The following NCKAP5 variants were observed in gnomAD, a reference collection of about 807,000 sequenced individuals.
NCKAP5 encodes the protein NCK associated protein 5.
In NCKAP5, 92 loss-of-function variants were observed where a neutral mutation model predicts 167.0. That is an observed-to-expected ratio of 0.55 (90% CI 0.47 to 0.66). NCKAP5 has a LOEUF of 0.66. NCKAP5 is among the 30% of genes least tolerant of loss of function. The pLI is 0.00. For missense variants in NCKAP5, 2,378 were observed against 2,315.0 expected (o/e 1.03, Z -0.56); for synonymous variants, 891 against 877.4 (o/e 1.02, Z -0.27).
At chr2:133,255,951 AT>A (rs1256578758) in intron 4 of NCKAP5, among the ~76,000 whole-genome samples, 1 of 152,150 alleles carries the variant, frequency 6.6e-6, no homozygotes, top group Non-Finnish European at 1.5e-5. Context: ...AAGATTTAAA[AT>A]TTTATTTTTC....
chr2:133,113,454 C>A (rs2081978373), intron 6 of NCKAP5, among the ~76,000 whole-genome samples: 1 of 152,288 alleles, frequency 6.6e-6, no homozygotes, highest in African/African-American at 2.4e-5. Context: ...TGGAAAATTT[C>A]ACCTAACGGT....
intron 3 of NCKAP5, among the ~76,000 whole-genome samples, chr2:133,494,761 A>G (rs1194412527): frequency 6.6e-6 from 1 of 152,202 alleles, no homozygotes; most frequent in Non-Finnish European, 1.5e-5. Flanking sequence ...TGGTATAGCC[A>G]TACATGTCAG....
chr2:133,256,511 CT>C (rs1411720385), intron 4 of NCKAP5, among the ~76,000 whole-genome samples: 1 of 152,002 alleles, frequency 6.6e-6, no homozygotes, highest in African/African-American at 2.4e-5. Flanking sequence ...ATTTAGGAAA[CT>C]TTAGAAAATT....
chr2:133,534,421 C>T (rs987998401), intron 2 of NCKAP5, among the ~76,000 whole-genome samples: 1 of 151,978 alleles, frequency 6.6e-6, no homozygotes, highest in African/African-American at 2.4e-5. Flanking sequence ...CCACTAGTAC[C>T]ATAATCTATT....
intron 16 of NCKAP5, among the ~76,000 whole-genome samples, chr2:132,748,390 C>A (rs1052930193): frequency 6.6e-6 from 1 of 152,234 alleles, no homozygotes; most frequent in African/African-American, 2.4e-5. Context: ...GCCATGACCG[C>A]CTTCATCAGG....
intron 4 of NCKAP5, among the ~76,000 whole-genome samples, chr2:133,270,683 G>C (rs958631499): frequency 2.0e-5 from 3 of 152,074 alleles, no homozygotes; most frequent in African/African-American, 7.2e-5. Context: ...TCTTTGATTG[G>C]TTGCTTTCCA....
At chr2:133,626,024 T>C in the NCKAP5 span, among the ~76,000 whole-genome samples, 2 of 152,294 alleles carry the variant, frequency 1.3e-5, no homozygotes, top group African/African-American at 2.4e-5. Context: ...TTTAAAACTA[T>C]TAAACAAAAG....
chr2:133,277,786 G>A (rs1034540547), intron 4 of NCKAP5, among the ~76,000 whole-genome samples: 1 of 152,136 alleles, frequency 6.6e-6, no homozygotes. Context: ...GCAGGTGCGT[G>A]TCTAGACAAC....
the NCKAP5 span, among the ~76,000 whole-genome samples, chr2:133,586,751 T>TCACACACACA: frequency 2.3e-3 from 327 of 141,024 alleles, 3 homozygotes; most frequent in African/African-American, 5.9e-3. Context: ...GACAGCAATA[T>TCACACACACA]CACACACACA....
chr2:133,436,571 G>A (rs1341142137), intron 3 of NCKAP5, among the ~76,000 whole-genome samples: 2 of 152,036 alleles, frequency 1.3e-5, no homozygotes, highest in Middle Eastern at 3.4e-3. Flanking sequence ...TGACATTCTC[G>A]GCCTCACAGC....
At chr2:132,870,187 G>A (rs562548752) in intron 9 of NCKAP5, among the ~76,000 whole-genome samples, 5 of 152,014 alleles carry the variant, frequency 3.3e-5, no homozygotes, top group South Asian at 4.2e-4. Flanking sequence ...GTAACCATTC[G>A]TTATTACTGT....
chr2:133,109,807 C>T (rs1381680620), intron 6 of NCKAP5, among the ~76,000 whole-genome samples: 1 of 150,808 alleles, frequency 6.6e-6, no homozygotes, highest in Non-Finnish European at 1.5e-5. Flanking sequence ...AACATTTCCA[C>T]TCAAATACAT....
intron 10 of NCKAP5, among the ~76,000 whole-genome samples, chr2:132,864,602 C>T (rs1690192647): frequency 6.6e-6 from 1 of 152,158 alleles, no homozygotes. Context: ...AGACTCACTG[C>T]TATATAGTAC....
rs1312423350 is a variant in NCKAP5 at position 133,550,009 on chromosome 2, A to C, written c.-62+9041T>G. Among the ~76,000 whole-genome samples, 9 of 150,316 alleles carry C rather than the reference A, an allele frequency of 6.0e-5. No individual in the cohort carries two copies. The South Asian group carries it at 1.3e-3, about 21-fold the overall frequency. ...CTAGAAAATCTAGAAGAAATGGATA[A>C]ATTCCTCAACACATACATTCTCCCA... is the stretch of plus-strand genomic sequence containing the variant. On this transcript the variant is annotated intron_variant, in intron 2 of 19. Transcript: ENST00000409261.
At chr2:133,584,776 A>C in the NCKAP5 span, among the ~76,000 whole-genome samples, 4 of 152,236 alleles carry the variant, frequency 2.6e-5, no homozygotes, top group African/African-American at 9.6e-5. Flanking sequence ...AAAATAAAAT[A>C]AAATTAAGGC....
chr2:132,809,061 C>T (rs188630795), intron 11 of NCKAP5, among the ~76,000 whole-genome samples: 25 of 152,106 alleles, frequency 1.6e-4, no homozygotes, highest in Admixed American at 5.2e-4. Flanking sequence ...ATCATTTCCA[C>T]GTATTTGCAT....
At chr2:133,147,153 G>C (rs1408243043) in intron 5 of NCKAP5, among the ~76,000 whole-genome samples, 1 of 152,128 alleles carries the variant, frequency 6.6e-6, no homozygotes, top group African/African-American at 2.4e-5. Flanking sequence ...GGTTGTAGTT[G>C]TAGAGTAAAC....
At chr2:132,903,413 T>G (rs1394595292) in intron 8 of NCKAP5, among the ~76,000 whole-genome samples, 3 of 152,236 alleles carry the variant, frequency 2.0e-5, no homozygotes, top group African/African-American at 7.2e-5. Flanking sequence ...GTTTTAACTT[T>G]ATTAACTAGT....
At position 132,807,796 on chromosome 2, in the gene NCKAP5, T is replaced by C. The variant is rs533628465; in HGVS notation, c.808-11067A>G. ...CTGGCTAGGATTTCCAGTACTATGC[T>C]GAAGGAGTGGTGAGAGTGGGCATCC... On this transcript the variant is annotated intron_variant, in intron 11 of 19. Coordinates refer to ENST00000409261, the MANE Select transcript of NCKAP5 (RefSeq NM_207363.3). Among the ~76,000 whole-genome samples the C allele has an allele frequency of 2.0e-4, 31 of 152,122 alleles. 1 individual carries two copies. Among genetic ancestry groups the C allele is most frequent in the African/African-American group, 7.2e-4 (30 of 41,546 alleles).
Sources: gnomAD v4.1 joint callset for allele counts (sites outside exome capture counted in the v4.1 genomes callset) on GRCh38, gnomAD v4.1.1 for gene constraint, MANE v1.5 for transcripts, NCBI Gene and HGNC (gene_info 2026-07-23, HGNC 2026-07-21) for gene names.